FAM227A: variants seen among roughly 807,000 people sequenced by gnomAD.
FAM227A encodes the protein family with sequence similarity 227 member A, also known as protein FAM227A.
A neutral mutation model predicts 74.7 loss-of-function variants in FAM227A; 80 were observed. The ratio of observed to expected loss-of-function variants is 1.07; its 90% CI spans 0.89 to 1.29. The LOEUF (loss-of-function observed/expected upper bound fraction) is 1.29, where lower values mean the gene tolerates loss of function less well. Ranked by LOEUF, FAM227A falls within the 50% of genes most tolerant of loss-of-function variation. The pLI is 0.00. For synonymous variants in FAM227A, 237 were observed against 241.8 expected (o/e 0.98, Z 0.19); for missense variants, 654 against 683.4 (o/e 0.96, Z 0.48).
intron 3 of FAM227A, among the ~76,000 whole-genome samples, chr22:38,641,988 T>C (rs555606974): frequency 7.5e-4 from 108 of 144,596 alleles, no homozygotes; most frequent in African/African-American, 2.9e-3. Context: ...CACGTGTGTG[T>C]GCGCGTGTGT....
rs1264668469 is a variant in FAM227A, at chr22:38,580,714, CATTT to C, written c.*5407_*5410del. On this transcript the variant is annotated 3_prime_UTR_variant, in exon 17 of 17. Transcript: ENST00000535113. ...GGGAATGGCATGATAAATGCTTATT[CATTT>C]ACTTACCAATTTTCAAAATAATGAG... 6.6e-6 allele frequency: 1 copy of C among 152,144 alleles called. No individual in the cohort carries two copies. Among genetic ancestry groups the C allele is most frequent in the African/African-American group, 2.4e-5 (1 of 41,426 alleles). 9.4% of individuals were successfully genotyped at this position (152,144 alleles called of 1,614,324 possible).
intron 3 of FAM227A, among the ~76,000 whole-genome samples, chr22:38,641,564 A>C (rs73886972): frequency 0.056 from 8,502 of 151,330 alleles, 523 homozygotes; most frequent in African/African-American, 0.14. Flanking sequence ...AAAAAAAAAA[A>C]AAAACAAAAC....
intron 1 of FAM227A, among the ~76,000 whole-genome samples, chr22:38,655,002 T>C (rs897494686): frequency 4.0e-5 from 6 of 149,876 alleles, no homozygotes; most frequent in African/African-American, 1.5e-4. Flanking sequence ...TAGCCTGGCA[T>C]GGTGGCGGGC....
chr22:38,650,291 C>T, intron 1 of FAM227A, 29 bp from the exon 2 acceptor site: 3 of 971,422 alleles, frequency 3.1e-6, no homozygotes, highest in Non-Finnish European at 4.5e-6. Context: ...ATAGAGCCAG[C>T]TCAGAAAACA....
chr22:38,637,768 T>C (rs1367415744), intron 5 of FAM227A, among the ~76,000 whole-genome samples: 1 of 152,266 alleles, frequency 6.6e-6, no homozygotes, highest in Non-Finnish European at 1.5e-5. Flanking sequence ...TGTGCTGTTT[T>C]GGAATTTCCT....
intron 3 of FAM227A, among the ~76,000 whole-genome samples, chr22:38,641,694 C>T (rs1431879647): frequency 7.7e-6 from 1 of 129,064 alleles, no homozygotes; most frequent in East Asian, 2.5e-4. Flanking sequence ...TCTTTAGTAG[C>T]GACTTGTTGG....
At chr22:38,608,755 G>A (rs896036394) in intron 11 of FAM227A, among the ~76,000 whole-genome samples, 8 of 150,838 alleles carry the variant, frequency 5.3e-5, no homozygotes, top group Admixed American at 2.6e-4. Context: ...TCCAGCACAC[G>A]GTTCCAGCTT....
At chr22:38,588,900 C>T (rs2090869937) in intron 16 of FAM227A, among the ~76,000 whole-genome samples, 1 of 148,126 alleles carries the variant, frequency 6.8e-6, no homozygotes, top group Admixed American at 6.7e-5. Context: ...TGCACTCCAG[C>T]CTGGGCGATA....
intron 3 of FAM227A, among the ~76,000 whole-genome samples, chr22:38,644,091 A>G (rs1360374765): frequency 6.9e-6 from 1 of 144,410 alleles, no homozygotes; most frequent in Admixed American, 7.4e-5. Context: ...GCTTGCAGTG[A>G]GCCGAGATCA....
intron 6 of FAM227A, among the ~76,000 whole-genome samples, chr22:38,632,062 CTG>C (rs889313972): frequency 4.7e-4 from 71 of 152,154 alleles, no homozygotes; most frequent in African/African-American, 1.7e-3. Flanking sequence ...AGGTGGAAAG[CTG>C]TGTTTTCAAC....
intron 13 of FAM227A, among the ~76,000 whole-genome samples, chr22:38,602,549 G>A (rs761376506): frequency 6.6e-6 from 1 of 152,172 alleles, no homozygotes; most frequent in Non-Finnish European, 1.5e-5. Context: ...AAATCTACAC[G>A]ACTCTAAGTA....
At chr22:38,604,367 G>A (rs1050798614) in intron 13 of FAM227A, among the ~76,000 whole-genome samples, 1 of 152,126 alleles carries the variant, frequency 6.6e-6, no homozygotes, top group African/African-American at 2.4e-5. Context: ...CATTCCTTGT[G>A]GTACTTGGCC....
chr22:38,623,544 C>CT (rs1281361402), intron 9 of FAM227A, among the ~76,000 whole-genome samples: 1 of 152,158 alleles, frequency 6.6e-6, no homozygotes, highest in Non-Finnish European at 1.5e-5. Context: ...GCCTTGTGGC[C>CT]TTGGGTGAGT....
chr22:38,624,016 A>AG (rs1300003887), intron 9 of FAM227A, among the ~76,000 whole-genome samples: 1 of 152,178 alleles, frequency 6.6e-6, no homozygotes, highest in Admixed American at 6.5e-5. Context: ...TGGACGTTAA[A>AG]GGGAACAGCA....
At chr22:38,644,753 C>G (rs2092196615) in intron 3 of FAM227A, among the ~76,000 whole-genome samples, 2 of 152,180 alleles carry the variant, frequency 1.3e-5, no homozygotes, top group African/African-American at 2.4e-5. Context: ...AAAAAGTGTA[C>G]TCTCTGCTCG....
At position 38,585,959 on chromosome 22, in the gene FAM227A, C is replaced by T; in HGVS notation, c.*166G>A. Reference sequence around the variant, plus strand: ...GCACCAACTCTCTACTCCTGCTTTTCACTCAGCCTAGGAAAAACTACAACG... The same window carrying T: ...GCACCAACTCTCTACTCCTGCTTTTTACTCAGCCTAGGAAAAACTACAACG... On this transcript the variant is annotated 3_prime_UTR_variant, in exon 17 of 17. Transcript: ENST00000535113. 1 of 1,468,914 alleles carries T rather than the reference C, an allele frequency of 6.8e-7. No homozygotes were observed. The highest frequency in any genetic ancestry group is 9.1e-7 in the Non-Finnish European group (1 of 1,104,624). 91.0% of individuals were successfully genotyped at this position (1,468,914 alleles called of 1,614,324 possible).
intron 10 of FAM227A, among the ~76,000 whole-genome samples, chr22:38,622,642 G>A (rs979314655): frequency 2.0e-5 from 3 of 152,174 alleles, no homozygotes; most frequent in South Asian, 2.1e-4. Flanking sequence ...TTGGGAGGCC[G>A]AGGTGGGTAG....
At chr22:38,595,794 G>A (rs1479075595) in intron 15 of FAM227A, among the ~76,000 whole-genome samples, 1 of 152,150 alleles carries the variant, frequency 6.6e-6, no homozygotes, top group African/African-American at 2.4e-5. Context: ...AAGATTTTGG[G>A]CAAAATGATT....
intron 9 of FAM227A, among the ~76,000 whole-genome samples, chr22:38,625,117 T>C (rs1310334830): frequency 6.6e-6 from 1 of 152,002 alleles, no homozygotes; most frequent in Admixed American, 6.6e-5. Context: ...CTGCCGGGTA[T>C]GGTGGCTCAC....
Sources: allele counts gnomAD v4.1 joint callset (sites outside exome capture counted in the v4.1 genomes callset), GRCh38; gene constraint gnomAD v4.1.1; transcripts MANE v1.5; gene names NCBI Gene and HGNC (gene_info 2026-07-23, HGNC 2026-07-21).